Variants in FAM135B observed in about 807,000 individuals in gnomAD.
FAM135B encodes protein FAM135B.
A neutral mutation model predicts 127.7 loss-of-function variants in FAM135B; 43 were observed. That is an observed-to-expected ratio of 0.34 (90% CI 0.26 to 0.43). The LOEUF (loss-of-function observed/expected upper bound fraction) is 0.43, where lower values mean the gene tolerates loss of function less well. Ranked by LOEUF, FAM135B falls within the 20% of genes least tolerant of loss-of-function variation. The pLI is 1.00. For missense variants in FAM135B, 1,558 were observed against 1,725.6 expected (o/e 0.90, Z 1.72); for synonymous variants, 670 against 665.1 (o/e 1.01, Z -0.11).
At chr8:138,181,122 T>G (rs370172493) in intron 9 of FAM135B, among the ~76,000 whole-genome samples, 1 of 151,646 alleles carries the variant, frequency 6.6e-6, no homozygotes. Flanking sequence ...GTGCCTATAG[T>G]CCCAGCTAAT....
chr8:138,176,011 CTG>C lies in FAM135B; in HGVS notation c.1103+1334_1103+1335del, dbSNP rs1466282716. 2.0e-5 allele frequency among the ~76,000 whole-genome samples: 3 copies of C among 152,148 alleles called. No individual in the cohort carries two copies. In the East Asian group the frequency reaches 5.8e-4, roughly 29 times the overall value. On this transcript the variant is annotated intron_variant, in intron 11 of 19. Transcript: ENST00000395297. The stretch of plus-strand genomic sequence containing the variant: ...GTCCTCACAATTGCTGTCTTACCCA[CTG>C]TGTGGATAAGGAAGCTGAGACTGGA...
chr8:138,137,529 C>T (rs539965200), intron 18 of FAM135B, among the ~76,000 whole-genome samples: 29 of 152,102 alleles, frequency 1.9e-4, no homozygotes, highest in Non-Finnish European at 3.5e-4. Flanking sequence ...GAAGCCTGCT[C>T]TCATCAGCCA....
At position 138,134,036 on chromosome 8, in the gene FAM135B, T is replaced by C. The variant is rs994852017; in HGVS notation, c.4016-1238A>G. On this transcript the variant is annotated intron_variant, in intron 19 of 19. Transcript: ENST00000395297. Reference sequence around the variant, plus strand: ...ATGGTCATTCCCAAGAGCCCATTAATGTCTTAGAGTAGCGGTCATTACAAC... The same window carrying C: ...ATGGTCATTCCCAAGAGCCCATTAACGTCTTAGAGTAGCGGTCATTACAAC... Among the ~76,000 whole-genome samples the C allele has an allele frequency of 8.5e-5, 13 of 152,312 alleles. 1 individual carries two copies. Among genetic ancestry groups the C allele is most frequent in the Admixed American group, 3.9e-4 (6 of 15,298 alleles).
At chr8:138,263,007 G>A (rs573747410) in intron 4 of FAM135B, among the ~76,000 whole-genome samples, 64 of 151,798 alleles carry the variant, frequency 4.2e-4, no homozygotes, top group African/African-American at 1.5e-3. Context: ...CAGAGACAGC[G>A]GTTATCAGAA....
rs549158934 is a variant in FAM135B, at chr8:138,156,398, G to A, written c.1259-3182C>T. 1.5e-3 allele frequency among the ~76,000 whole-genome samples: 223 copies of A among 152,174 alleles called. 5 individuals are homozygous for A. The highest frequency in any genetic ancestry group is 7.9e-4 in the Admixed American group (12 of 15,286). On this transcript the variant is annotated intron_variant, in intron 12 of 19. Coordinates refer to ENST00000395297, the MANE Select transcript of FAM135B (RefSeq NM_015912.4). ...ACACTTAAAAGAACTAGAGAAGCAA[G>A]AGCAAACACATTCAAAAGCTAGCAG...
chr8:138,268,435 A>G (rs994885284), intron 3 of FAM135B, among the ~76,000 whole-genome samples: 3 of 152,152 alleles, frequency 2.0e-5, no homozygotes, highest in Non-Finnish European at 4.4e-5. Context: ...GCCTGGGATA[A>G]GGCATTTTTC....
In FAM135B at chr8:138,152,649, T is replaced by C. The variant is rs754028950; in HGVS notation, c.1826A>G (p.Lys609Arg). The C allele has an allele frequency of 6.2e-7, 1 of 1,614,160 alleles. No homozygotes were observed. Among genetic ancestry groups the C allele is most frequent in the East Asian group, 2.2e-5 (1 of 44,878 alleles). ...AGTACTTAATTCATGGAGAGTTGTT[T>C]TGTCTGAAGAGATGGCATTTTGGTG... ...GSHQNAISSDKTTLHELSTLG... is the reference protein window; with the variant it reads ...GSHQNAISSDRTTLHELSTLG... Residue 609 changes from lysine to arginine, a missense_variant, in exon 13 of 20, where the codon AAA (lysine) becomes AGA (arginine). Transcript: ENST00000395297.
At chr8:138,483,264 C>G (rs1814857811) in intron 1 of FAM135B, among the ~76,000 whole-genome samples, 1 of 152,010 alleles carries the variant, frequency 6.6e-6, no homozygotes, top group Admixed American at 6.6e-5. Context: ...ATTTTTTATC[C>G]CAACTTTACA....
At position 138,177,254 on chromosome 8, in the gene FAM135B, T is replaced by C. The variant is rs531163565; in HGVS notation, c.1103+93A>G. The C allele has an allele frequency of 2.7e-5, 33 of 1,224,612 alleles. No homozygotes were observed. In the African/African-American group the frequency reaches 4.6e-4, roughly 17 times the overall value. The allele number at this position is 1,224,612 out of a possible 1,614,324, so 75.9% of individuals were successfully genotyped here. On this transcript the variant is annotated intron_variant, in intron 11 of 19. Transcript: ENST00000395297. Reference sequence around the variant, plus strand: ...TGCAGAGGTGGGCAGACTTCTCTCCTTCACTTCCAGTGAGAAAGTGAAGAG... The same window carrying C: ...TGCAGAGGTGGGCAGACTTCTCTCCCTCACTTCCAGTGAGAAAGTGAAGAG...
At chr8:138,317,344 T>C (rs945564393) in intron 2 of FAM135B, among the ~76,000 whole-genome samples, 1 of 151,700 alleles carries the variant, frequency 6.6e-6, no homozygotes. Flanking sequence ...CTGCCAGGGG[T>C]TGGGGAGTGG....
chr8:138,253,623 C>T (rs1388782659), intron 5 of FAM135B, among the ~76,000 whole-genome samples: 2 of 152,184 alleles, frequency 1.3e-5, no homozygotes, highest in Admixed American at 6.5e-5. Flanking sequence ...CACATCTCCC[C>T]TCAAGCATCC....
At chr8:138,346,635 T>G (rs1199422675) in intron 2 of FAM135B, among the ~76,000 whole-genome samples, 7 of 151,688 alleles carry the variant, frequency 4.6e-5, no homozygotes, top group African/African-American at 1.7e-4. Context: ...CATGGACACA[T>G]AGGGGGAATG....
At chr8:138,175,160 TAAAAGAAAAACA>T (rs1471707527) in intron 11 of FAM135B, among the ~76,000 whole-genome samples, 3 of 152,194 alleles carry the variant, frequency 2.0e-5, no homozygotes, top group African/African-American at 7.2e-5. Context: ...CATTTGCTGG[TAAAAGAAAAACA>T]AAAGCATTAA....
chr8:138,148,787 A>G, intron 13 of FAM135B, 101 bp from the exon 14 acceptor site: 1 of 766,620 alleles, frequency 1.3e-6, no homozygotes, highest in Non-Finnish European at 2.0e-6. Flanking sequence ...CCCACAAGCA[A>G]AGTGCCTGCT....
At chr8:138,284,192 G>C (rs1028631300) in intron 3 of FAM135B, among the ~76,000 whole-genome samples, 1 of 152,028 alleles carries the variant, frequency 6.6e-6, no homozygotes, top group Non-Finnish European at 1.5e-5. Context: ...AAAAATCTGA[G>C]GGTCACCTTC....
At chr8:138,183,080 G>A (rs1466498909) in intron 9 of FAM135B, among the ~76,000 whole-genome samples, 6 of 144,116 alleles carry the variant, frequency 4.2e-5, no homozygotes, top group East Asian at 4.3e-4. Context: ...TCAGTTCAGT[G>A]CCATCCACCC....
chr8:138,291,745 T>G (rs762999262), intron 3 of FAM135B, among the ~76,000 whole-genome samples: 1 of 152,172 alleles, frequency 6.6e-6, no homozygotes, highest in Non-Finnish European at 1.5e-5. Context: ...CATCCTTTCA[T>G]GATAAAAATT....
intron 1 of FAM135B, among the ~76,000 whole-genome samples, chr8:138,394,406 T>A (rs558421749): frequency 3.3e-4 from 51 of 152,284 alleles, no homozygotes; most frequent in African/African-American, 1.2e-3. Context: ...CCCATTTGAC[T>A]GATGAGAGCA....
chr8:138,255,733 T>C (rs1416554831), intron 5 of FAM135B, among the ~76,000 whole-genome samples: 1 of 152,210 alleles, frequency 6.6e-6, no homozygotes, highest in Middle Eastern at 3.2e-3. Flanking sequence ...TGGGGCTGTG[T>C]GACTGTCTTC....
Sources: allele counts gnomAD v4.1 joint callset (sites outside exome capture counted in the v4.1 genomes callset), GRCh38; gene constraint gnomAD v4.1.1; transcripts MANE v1.5; gene names NCBI Gene and HGNC (gene_info 2026-07-23, HGNC 2026-07-21).